Variants in ZCWPW1 observed in about 807,000 individuals in gnomAD.
The protein encoded by ZCWPW1 is zinc finger CW-type PWWP domain protein 1.
ZCWPW1 carries 56 observed loss-of-function variants against 81.3 expected under a neutral mutation model. The observed-to-expected ratio is 0.69, with a 90% confidence interval of 0.56 to 0.86. The LOEUF (loss-of-function observed/expected upper bound fraction) is 0.86, where lower values mean the gene tolerates loss of function less well. ZCWPW1 is among the 40% of genes least tolerant of loss of function. The pLI, the probability that ZCWPW1 is intolerant of heterozygous loss-of-function variation, is 0.00. For synonymous variants in ZCWPW1, 250 were observed against 273.7 expected, an observed-to-expected ratio of 0.91 and a Z score of 0.86; for missense variants, 650 against 769.8, an observed-to-expected ratio of 0.84 and a Z score of 1.84.
chr7:100,417,206 G>A (rs769111884), intron 5 of ZCWPW1, 23 bp from the exon 6 acceptor site: 55 of 1,584,354 alleles, frequency 3.5e-5, no homozygotes, highest in Middle Eastern at 3.4e-4. Context: ...AATACTATAA[G>A]CAGAGAAGCA....
rs1798228265 is a variant in ZCWPW1, at chr7:100,428,637, C to T, written c.-206G>A. 1 of 152,400 alleles carries T rather than the reference C, an allele frequency of 6.6e-6. No homozygotes were observed. The highest frequency in any genetic ancestry group is 1.5e-5 in the Non-Finnish European group (1 of 68,144). The allele number at this position is 152,400 out of a possible 1,614,324, so 9.4% of individuals were successfully genotyped here. A position where few individuals can be genotyped will look rare whatever the true frequency, so the allele number is the denominator to read the frequency against. ...GCCCTGTCCTCGGCCCAGCACTCCG[C>T]TGGCAGGGAGACCGGGCGGCGCATC... On this transcript the variant is annotated 5_prime_UTR_variant, in exon 1 of 18. Transcript: ENST00000684423.
At chr7:100,402,783 G>T (rs1021180304) in intron 15 of ZCWPW1, among the ~76,000 whole-genome samples, 1 of 151,908 alleles carries the variant, frequency 6.6e-6, no homozygotes, top group Non-Finnish European at 1.5e-5. Flanking sequence ...CAAGGCTTTA[G>T]GCATAAAAGA....
rs374316095 is a variant in ZCWPW1 at position 100,400,972 on chromosome 7, G to A, written c.*42C>T. The stretch of plus-strand genomic sequence containing the variant: ...GCACTTAGCAACTTCTCCCTCCTGC[G>A]CCCCAGAGAAGGGAGAAAAAGAGGG... On this transcript the variant is annotated 3_prime_UTR_variant, in exon 18 of 18. Transcript: ENST00000684423. 42 of 1,543,726 alleles carry A rather than the reference G, an allele frequency of 2.7e-5. No homozygotes were observed. The African/African-American group carries it at 3.3e-4, about 12-fold the overall frequency.
At position 100,425,143 on chromosome 7, in the gene ZCWPW1, C is replaced by G. The variant is rs886080396; in HGVS notation, c.-136-7G>C. ...CAATAACAAATACTGAAAGCTGGTTCAGAGAGAGAGAGAAAAAAATATAGA... is the reference window on the plus strand; with the variant it reads ...CAATAACAAATACTGAAAGCTGGTTGAGAGAGAGAGAGAAAAAAATATAGA... On this transcript the variant is annotated splice_polypyrimidine_tract_variant and splice_region_variant and intron_variant, in intron 1 of 17. Transcript: ENST00000684423. 1 of 151,742 alleles carries G rather than the reference C, an allele frequency of 6.6e-6. No individual in the cohort carries two copies. Among genetic ancestry groups the G allele is most frequent in the Non-Finnish European group, 1.5e-5 (1 of 67,928 alleles). The allele number at this position is 151,742 out of a possible 1,614,324, so 9.4% of individuals were successfully genotyped here. A position where few individuals can be genotyped will look rare whatever the true frequency, so the allele number is the denominator to read the frequency against.
chr7:100,415,151 T>C (rs1033175964), intron 8 of ZCWPW1, among the ~76,000 whole-genome samples: 15 of 140,066 alleles, frequency 1.1e-4, no homozygotes, highest in African/African-American at 4.0e-4. Flanking sequence ...TGGCACAATC[T>C]TGGCTCACTG....
At chr7:100,407,775 CGT>C (rs1793355216) in intron 10 of ZCWPW1, among the ~76,000 whole-genome samples, 1 of 152,068 alleles carries the variant, frequency 6.6e-6, no homozygotes, top group Admixed American at 6.6e-5. Flanking sequence ...CTGAATGACT[CGT>C]GAGAAAGTGA....
At position 100,416,421 on chromosome 7, in the gene ZCWPW1, G is replaced by C; in HGVS notation, c.515C>G (p.Ser172Cys). 1 of 1,614,118 alleles carries C rather than the reference G, an allele frequency of 6.2e-7. No individual in the cohort carries two copies. The highest frequency in any genetic ancestry group is 8.5e-7 in the Non-Finnish European group (1 of 1,180,022). ...CTCAGGGGCAGCTTCACCTTCCCAA[G>C]ACACTGAAATCTCTTGAGTATGTGG... Reference protein sequence around the residue: ...EVPHTQEISVSWEGEAAPEIR... With the variant: ...EVPHTQEISVCWEGEAAPEIR... Residue 172 changes from serine (S) to cysteine (C), a missense_variant, in exon 7 of 18, where the codon TCT becomes TGT. Transcript: ENST00000684423.
At chr7:100,428,330 C>G (rs1798135453) in intron 1 of ZCWPW1, among the ~76,000 whole-genome samples, 1 of 152,246 alleles carries the variant, frequency 6.6e-6, no homozygotes, top group African/African-American at 2.4e-5. Flanking sequence ...GCATGCGCAA[C>G]TGGAAACAGC....
At chr7:100,404,960 C>T in intron 13 of ZCWPW1, 53 bp downstream of exon 13, 1 of 1,545,548 alleles carries the variant, frequency 6.5e-7, no homozygotes, top group Non-Finnish European at 8.9e-7. Flanking sequence ...AGAAAGAATC[C>T]CCCTTGTCCA....
At chr7:100,401,517 C>T (rs1053906760) in intron 17 of ZCWPW1, among the ~76,000 whole-genome samples, 181 bp from the exon 18 acceptor site, 2 of 152,208 alleles carry the variant, frequency 1.3e-5, no homozygotes, top group Non-Finnish European at 2.9e-5. Context: ...ATGCTAGTCA[C>T]CAGCCTTGAG....
chr7:100,401,354 A>G lies in ZCWPW1; in HGVS notation c.1628-18T>C. ...CTTAGGGCCTAAATGAGAAGGTGAC[A>G]AAGCCAAGAGTCCTATTAGGTCAGC... is the stretch of plus-strand genomic sequence containing the variant. On this transcript the variant is annotated intron_variant, in intron 17 of 17. Transcript: ENST00000684423. 1 of 1,522,378 alleles carries G rather than the reference A, an allele frequency of 6.6e-7. No individual in the cohort carries two copies. Among genetic ancestry groups the G allele is most frequent in the South Asian group, 1.3e-5 (1 of 74,642 alleles). 94.3% of individuals were successfully genotyped at this position (1,522,378 alleles called of 1,614,324 possible).
chr7:100,402,122 G>A, intron 16 of ZCWPW1, 81 bp from the exon 17 acceptor site: 2 of 1,508,014 alleles, frequency 1.3e-6, no homozygotes, highest in Non-Finnish European at 1.8e-6. Flanking sequence ...TTGAGTTTCT[G>A]CCCTGCCCCA....
chr7:100,416,120 G>A lies in ZCWPW1; in HGVS notation c.632-23C>T, dbSNP rs755832013. ...CTTCTGGGAAGAAAAAAGAAAACGT[G>A]AGGTGGGGAGATGAAGAAGACAATC... On this transcript the variant is annotated intron_variant, in intron 7 of 17. Coordinates refer to ENST00000684423, the MANE Select transcript of ZCWPW1 (RefSeq NM_001386010.1). The A allele has an allele frequency of 3.7e-6, 6 of 1,612,270 alleles. No homozygotes were observed. In the Admixed American group the frequency reaches 1.0e-4, roughly 27 times the overall value.
At chr7:100,415,862 T>A in intron 8 of ZCWPW1, 113 bp downstream of exon 8, 1 of 1,344,266 alleles carries the variant, frequency 7.4e-7, no homozygotes, top group Non-Finnish European at 1.0e-6. Flanking sequence ...AACAAGCAGC[T>A]GTGAGAGATT....
intron 2 of ZCWPW1, among the ~76,000 whole-genome samples, chr7:100,423,990 C>A (rs368132407): frequency 1.3e-4 from 20 of 150,682 alleles, no homozygotes; most frequent in African/African-American, 4.9e-4. Flanking sequence ...GAATCGCTTG[C>A]ACCCAGGAGG....
intron 15 of ZCWPW1, 108 bp downstream of exon 15, chr7:100,403,586 G>A (rs1360150788): frequency 2.2e-6 from 2 of 893,348 alleles, no homozygotes; most frequent in East Asian, 3.3e-5. Flanking sequence ...CACTTTGGAA[G>A]GCTGAGGTGG....
chr7:100,415,627 C>T (rs1795074329), intron 8 of ZCWPW1, among the ~76,000 whole-genome samples: 1 of 152,168 alleles, frequency 6.6e-6, no homozygotes, highest in Non-Finnish European at 1.5e-5. Context: ...CTCTCCTCCC[C>T]TGGGATCTAT....
intron 5 of ZCWPW1, 100 bp downstream of exon 5, chr7:100,419,011 A>C: frequency 2.2e-6 from 2 of 910,584 alleles, no homozygotes; most frequent in Non-Finnish European, 1.8e-6. Flanking sequence ...CCTTATTTAG[A>C]AGATGGGAGA....
intron 8 of ZCWPW1, among the ~76,000 whole-genome samples, chr7:100,413,758 CTTT>C (rs1197260854): frequency 6.6e-6 from 1 of 152,020 alleles, no homozygotes; most frequent in East Asian, 1.9e-4. Flanking sequence ...TATAAATTCA[CTTT>C]TTTTCTTTTT....
Sources: gnomAD v4.1 joint callset for allele counts (sites outside exome capture counted in the v4.1 genomes callset) on GRCh38, gnomAD v4.1.1 for gene constraint, MANE v1.5 for transcripts, NCBI Gene and HGNC (gene_info 2026-07-23, HGNC 2026-07-21) for gene names.